PLXDC2: variants seen among roughly 807,000 people sequenced by gnomAD.
PLXDC2 encodes plexin domain containing 2.
In PLXDC2, 40 loss-of-function variants were observed where a neutral mutation model predicts 68.9. The ratio of observed to expected loss-of-function variants is 0.58; its 90% CI spans 0.45 to 0.76. The LOEUF (loss-of-function observed/expected upper bound fraction) is 0.76. PLXDC2 is among the 30% of genes least tolerant of loss of function. PLXDC2 has a pLI of 0.00. For missense variants in PLXDC2, 644 were observed against 661.9 expected (o/e 0.97, Z 0.30); for synonymous variants, 243 against 234.2 (o/e 1.04, Z -0.34).
intron 6 of PLXDC2, among the ~76,000 whole-genome samples, chr10:20,149,424 A>G (rs956462845): frequency 4.0e-5 from 6 of 151,294 alleles, no homozygotes; most frequent in African/African-American, 1.5e-4. Flanking sequence ...TTTTTAGTAG[A>G]GACGGGGTTT....
At chr10:19,886,537 T>C (rs548076026) in intron 1 of PLXDC2, among the ~76,000 whole-genome samples, 99 of 152,302 alleles carry the variant, frequency 6.5e-4, no homozygotes, top group Non-Finnish European at 1.1e-3. Context: ...CATGATTTTT[T>C]CAATAGATGC....
chr10:20,038,358 T>A (rs1835617955), intron 2 of PLXDC2, among the ~76,000 whole-genome samples: 1 of 152,074 alleles, frequency 6.6e-6, no homozygotes, highest in Non-Finnish European at 1.5e-5. Flanking sequence ...TGAAAATTCT[T>A]GGGGAAATGA....
chr10:20,168,714 CTT>C (rs1436768475), intron 7 of PLXDC2, among the ~76,000 whole-genome samples: 1 of 152,114 alleles, frequency 6.6e-6, no homozygotes, highest in African/African-American at 2.4e-5. Flanking sequence ...ACAGGACTGA[CTT>C]TGGTTGTTCA....
chr10:20,258,313 A>G (rs1446278830), intron 13 of PLXDC2, among the ~76,000 whole-genome samples: 2 of 151,610 alleles, frequency 1.3e-5, no homozygotes, highest in Admixed American at 6.6e-5. Context: ...TTTTCTTTCT[A>G]TTTCTGTCTT....
At chr10:19,880,678 T>C (rs1837711089) in intron 1 of PLXDC2, among the ~76,000 whole-genome samples, 1 of 152,232 alleles carries the variant, frequency 6.6e-6, no homozygotes, top group South Asian at 2.1e-4. Context: ...GTACTTTCCA[T>C]GAGTTACCTA....
intron 4 of PLXDC2, among the ~76,000 whole-genome samples, chr10:20,074,275 C>T (rs1184257614): frequency 1.3e-5 from 2 of 152,076 alleles, no homozygotes; most frequent in Admixed American, 6.6e-5. Flanking sequence ...TATTTTATTT[C>T]ATTTGCTACG....
At chr10:19,952,358 C>G (rs998236785) in intron 1 of PLXDC2, among the ~76,000 whole-genome samples, 2 of 152,130 alleles carry the variant, frequency 1.3e-5, no homozygotes, top group African/African-American at 4.8e-5. Context: ...TGGCTGCTGA[C>G]TTTCTGAAAA....
At chr10:19,923,085 G>A (rs150547411) in intron 1 of PLXDC2, among the ~76,000 whole-genome samples, 305 of 152,102 alleles carry the variant, frequency 2.0e-3, no homozygotes, top group African/African-American at 6.9e-3. Flanking sequence ...AATCTCTTAA[G>A]TCATTTTATA....
At chr10:19,906,500 A>G (rs1298857725) in intron 1 of PLXDC2, among the ~76,000 whole-genome samples, 2 of 152,192 alleles carry the variant, frequency 1.3e-5, no homozygotes, top group Admixed American at 6.5e-5. Flanking sequence ...TGGCATAGGG[A>G]CTGTCCTTAG....
chr10:19,951,796 C>A (rs757516333), intron 1 of PLXDC2, among the ~76,000 whole-genome samples: 1 of 152,134 alleles, frequency 6.6e-6, no homozygotes, highest in Non-Finnish European at 1.5e-5. Context: ...ACATAAACAC[C>A]ATGGACTACT....
intron 5 of PLXDC2, 30 bp from the exon 6 acceptor site, chr10:20,147,754 G>T: frequency 7.4e-7 from 1 of 1,359,868 alleles, no homozygotes; most frequent in Non-Finnish European, 1.0e-6. Context: ...TTTTCTCATT[G>T]CATTTCTTCT....
chr10:19,949,422 A>G (rs372962425), intron 1 of PLXDC2, among the ~76,000 whole-genome samples: 5 of 152,188 alleles, frequency 3.3e-5, no homozygotes, highest in African/African-American at 7.2e-5. Context: ...GGCTCTGAAT[A>G]TCTTCTGAGA....
At chr10:19,965,576 TCTG>T (rs947825116) in intron 1 of PLXDC2, among the ~76,000 whole-genome samples, 5 of 152,158 alleles carry the variant, frequency 3.3e-5, no homozygotes, top group Non-Finnish European at 7.3e-5. Context: ...CAATCAGACA[TCTG>T]CTTCTGGAAT....
intron 2 of PLXDC2, among the ~76,000 whole-genome samples, chr10:20,042,619 C>G (rs1219048623): frequency 1.3e-5 from 2 of 151,816 alleles, no homozygotes; most frequent in Non-Finnish European, 2.9e-5. Context: ...GTTTTGAGTT[C>G]TAAATGAAAT....
At chr10:20,255,723 G>A (rs1382194553) in intron 13 of PLXDC2, among the ~76,000 whole-genome samples, 2 of 151,952 alleles carry the variant, frequency 1.3e-5, no homozygotes, top group African/African-American at 4.8e-5. Context: ...AAAATTTTCA[G>A]AGACCAAAAA....
intron 1 of PLXDC2, among the ~76,000 whole-genome samples, chr10:19,913,760 T>A (rs1379927544): frequency 6.6e-6 from 1 of 152,208 alleles, no homozygotes; most frequent in Non-Finnish European, 1.5e-5. Flanking sequence ...GGGAATTACT[T>A]TCATTATTAT....
rs1215540636 is a variant in PLXDC2, at chr10:20,147,866, G to T, written c.747G>T (p.Leu249=). 1 of 1,611,408 alleles carries T rather than the reference G, an allele frequency of 6.2e-7. No individual in the cohort carries two copies. The highest frequency in any genetic ancestry group is 1.7e-5 in the Admixed American group (1 of 60,014). ...GAAGCTTCACATTCCAGGCAACCCT[G>T]CTCATGGATGGACGAATCATCTTTG... is the stretch of plus-strand genomic sequence containing the variant. ...NLGSFTFQAT[L]LMDGRIIFGY... Residue 249 remains leucine, a synonymous_variant, in exon 6 of 14, where the codon CTG becomes CTT. Coordinates refer to ENST00000377252, the MANE Select transcript of PLXDC2 (RefSeq NM_032812.9).
chr10:19,959,825 C>A (rs991981639), intron 1 of PLXDC2, among the ~76,000 whole-genome samples: 2 of 152,092 alleles, frequency 1.3e-5, no homozygotes, highest in African/African-American at 4.8e-5. Context: ...ACTTTCACCC[C>A]CAATTCTATG....
intron 4 of PLXDC2, among the ~76,000 whole-genome samples, chr10:20,084,618 G>A (rs528523256): frequency 6.6e-6 from 1 of 152,180 alleles, no homozygotes; most frequent in African/African-American, 2.4e-5. Flanking sequence ...CATAAGGCCA[G>A]AGGCTAGTTT....
Sources: allele counts gnomAD v4.1 joint callset (sites outside exome capture counted in the v4.1 genomes callset), GRCh38; gene constraint gnomAD v4.1.1; transcripts MANE v1.5; gene names NCBI Gene and HGNC (gene_info 2026-07-23, HGNC 2026-07-21).